The following GSE1 variants were observed in gnomAD, a reference collection of about 807,000 sequenced individuals.
GSE1 encodes the protein genetic suppressor element 1.
A neutral mutation model predicts 112.6 loss-of-function variants in GSE1; 32 were observed. The observed-to-expected ratio is 0.28, with a 90% CI of 0.21 to 0.38. The LOEUF (loss-of-function observed/expected upper bound fraction) is 0.38. GSE1 is among the 10% of genes least tolerant of loss of function. The pLI, the probability that GSE1 is intolerant of heterozygous loss-of-function variation, is 1.00. For synonymous variants in GSE1, 1,115 were observed against 735.6 expected, an observed-to-expected ratio of 1.52 and a Z score of -8.35; for missense variants, 2,348 against 1,699.2, an observed-to-expected ratio of 1.38 and a Z score of -6.71.
At chr16:85,177,236 G>A (rs1384066493) in intron 1 of GSE1, among the ~76,000 whole-genome samples, 2 of 152,262 alleles carry the variant, frequency 1.3e-5, no homozygotes, top group African/African-American at 2.4e-5. Context: ...TTCCTCCTCT[G>A]CTTAGATCTC....
exon 1 of GSE1, chr16:85,171,272 C>A: frequency 1.0e-6 from 1 of 985,604 alleles, no homozygotes; most frequent in Non-Finnish European, 1.2e-6. Context: ...GAGCTGCCGG[C>A]GTCGGCCCAG....
At chr16:85,196,387 G>C (rs1452366939) in intron 1 of GSE1, among the ~76,000 whole-genome samples, 1 of 152,204 alleles carries the variant, frequency 6.6e-6, no homozygotes, top group Non-Finnish European at 1.5e-5. Context: ...GTCAGCCCCT[G>C]GGGGATGGGA....
chr16:85,670,949 G>C (rs1331912581), intron 14 of GSE1, 46 bp from the exon 15 acceptor site: 1 of 1,224,190 alleles, frequency 8.2e-7, no homozygotes, highest in South Asian at 1.2e-5. Flanking sequence ...GCGGGCCTTC[G>C]GGCTCCTGCA....
intron 1 of GSE1, among the ~76,000 whole-genome samples, chr16:85,284,575 CG>C (rs965910443): frequency 2.0e-5 from 3 of 152,182 alleles, no homozygotes; most frequent in African/African-American, 7.2e-5. Flanking sequence ...TGACGATTCT[CG>C]GGAACTCGGT....
chr16:85,488,683 G>A (rs969069828), intron 2 of GSE1, among the ~76,000 whole-genome samples: 13 of 152,172 alleles, frequency 8.5e-5, no homozygotes, highest in Admixed American at 5.9e-4. Context: ...CTTGGGTTTC[G>A]AAGGATGTGC....
At position 85,180,319 on chromosome 16, in the gene GSE1, G is replaced by T. The variant is rs4075909; in HGVS notation, c.2283+8512G>T. On this transcript the variant is annotated intron_variant, in intron 1 of 2. Coordinates refer to the GSE1 transcript ENST00000637419. ...TCTTTCCACTTGGCGAGAGTGGGCT[G>T]GGGAGAGGAGGCAGCCCAGGGCCCA... Among the ~76,000 whole-genome samples, 4 of 152,074 alleles carry T rather than the reference G, an allele frequency of 2.6e-5. No individual in the cohort carries two copies. The South Asian group carries it at 6.2e-4, about 24-fold the overall frequency.
chr16:85,364,027 C>T (rs116752756), intron 2 of GSE1, among the ~76,000 whole-genome samples: 5,832 of 152,322 alleles, frequency 0.038, 382 homozygotes, highest in African/African-American at 0.13. Flanking sequence ...TCATTACTCT[C>T]ACACGCACAC....
chr16:85,200,834 G>A (rs771640289), intron 1 of GSE1, among the ~76,000 whole-genome samples: 8 of 152,258 alleles, frequency 5.3e-5, no homozygotes, highest in Admixed American at 3.3e-4. Context: ...ACCACCGTCC[G>A]TCACCAGAAC....
At chr16:85,641,822 T>G (rs1372542193) in intron 2 of GSE1, among the ~76,000 whole-genome samples, 1 of 152,258 alleles carries the variant, frequency 6.6e-6, no homozygotes, top group Non-Finnish European at 1.5e-5. Context: ...ACTCACTGGC[T>G]GGCGGCTTCC....
chr16:85,546,412 C>T (rs1037548497), intron 2 of GSE1, among the ~76,000 whole-genome samples: 1 of 152,136 alleles, frequency 6.6e-6, no homozygotes, highest in Admixed American at 6.5e-5. Flanking sequence ...TCACACAAGC[C>T]CCCGTAACAA....
At chr16:85,477,177 G>A (rs1272557647) in intron 2 of GSE1, among the ~76,000 whole-genome samples, 1 of 152,156 alleles carries the variant, frequency 6.6e-6, no homozygotes, top group Non-Finnish European at 1.5e-5. Flanking sequence ...CTCCCAAAGT[G>A]CTGGGATGTA....
intron 1 of GSE1, chr16:85,583,280 C>G (rs1046897315): frequency 6.6e-6 from 1 of 152,400 alleles, no homozygotes; most frequent in Non-Finnish European, 1.5e-5. Flanking sequence ...GCAGACCTGG[C>G]CATGTGTGCC....
intron 1 of GSE1, among the ~76,000 whole-genome samples, chr16:85,331,325 G>C (rs1275077546): frequency 1.4e-4 from 2 of 14,604 alleles, no homozygotes; most frequent in Admixed American, 4.7e-4. Context: ...GCTAATTTCT[G>C]TGTGTGTGTG....
intron 1 of GSE1, among the ~76,000 whole-genome samples, chr16:85,302,202 G>A (rs926144767): frequency 6.6e-6 from 1 of 152,156 alleles, no homozygotes; most frequent in African/African-American, 2.4e-5. Flanking sequence ...GAGAGGACTC[G>A]AATGCACACT....
intron 3 of GSE1, among the ~76,000 whole-genome samples, chr16:85,652,471 G>A (rs575892114): frequency 2.0e-5 from 3 of 152,342 alleles, no homozygotes; most frequent in East Asian, 1.9e-4. Flanking sequence ...GAACCCAGGA[G>A]GACCCTACAG....
intron 1 of GSE1, among the ~76,000 whole-genome samples, chr16:85,203,060 C>G (rs1447964711): frequency 6.6e-6 from 1 of 151,754 alleles, no homozygotes; most frequent in African/African-American, 2.4e-5. Flanking sequence ...CCCAGCTGGC[C>G]TCGGCGGTGG....
At chr16:85,392,183 A>G (rs2047854452) in intron 2 of GSE1, among the ~76,000 whole-genome samples, 1 of 152,160 alleles carries the variant, frequency 6.6e-6, no homozygotes, top group African/African-American at 2.4e-5. Flanking sequence ...AAGGCAATAT[A>G]AATAATGATA....
chr16:85,338,935 G>A (rs1021935694), intron 1 of GSE1, among the ~76,000 whole-genome samples: 1 of 152,324 alleles, frequency 6.6e-6, no homozygotes, highest in South Asian at 2.1e-4. Context: ...GGCCTGGCCC[G>A]CAGCAGGCAG....
At chr16:85,647,891 G>T (rs1329343368) in intron 2 of GSE1, among the ~76,000 whole-genome samples, 7 of 152,140 alleles carry the variant, frequency 4.6e-5, no homozygotes, top group Admixed American at 4.6e-4. Context: ...GGCCAGTGCT[G>T]ACCGCTTCTT....
Sources: gnomAD v4.1 joint callset for allele counts (sites outside exome capture counted in the v4.1 genomes callset) on GRCh38, gnomAD v4.1.1 for gene constraint, MANE v1.5 for transcripts, NCBI Gene and HGNC (gene_info 2026-07-23, HGNC 2026-07-21) for gene names.